Variants in RPGRIP1L observed in about 807,000 individuals in gnomAD.
The protein encoded by RPGRIP1L is protein fantom.
RPGRIP1L carries 131 observed loss-of-function variants against 160.4 expected under a neutral mutation model. The observed-to-expected ratio is 0.82, with a 90% CI of 0.71 to 0.94. The LOEUF (loss-of-function observed/expected upper bound fraction) is 0.94. Among genes scored for constraint, RPGRIP1L ranks in the 40% least tolerant of loss-of-function variants. RPGRIP1L has a pLI of 0.00. For missense variants in RPGRIP1L, 1,522 were observed against 1,535.8 expected (o/e 0.99, Z 0.15); for synonymous variants, 510 against 515.8 (o/e 0.99, Z 0.15).
intron 15 of RPGRIP1L, 50 bp from the exon 16 acceptor site, chr16:53,649,165 T>C: frequency 1.3e-6 from 2 of 1,497,102 alleles, no homozygotes; most frequent in Non-Finnish European, 1.9e-6. Context: ...TACATTAAAA[T>C]AGATAGCAGT....
Position 53,656,511 on chromosome 16 carries a change from G to T in RPGRIP1L, c.1660C>A (p.Leu554Ile), listed in dbSNP as rs79524027. 1.6e-4 allele frequency: 252 copies of T among 1,613,886 alleles called. 1 individual carries two copies. The African/African-American group carries it at 2.9e-3, about 19-fold the overall frequency. Reference sequence around the variant, plus strand: ...ATACGTGCAGCCCTGATATCAAGAAGATGAACATACTGTTCCACTTTGAGT... The same window carrying T: ...ATACGTGCAGCCCTGATATCAAGAATATGAACATACTGTTCCACTTTGAGT... ...YELKVEQYVH[L>I]LDIRAARIHK... Residue 554 changes from leucine to isoleucine, a missense_variant, in exon 14 of 27, where the codon CTT becomes ATT. Physicochemically the swap from Leu to Ile is conservative, Grantham distance 5. Coordinates refer to ENST00000647211, the MANE Select transcript of RPGRIP1L (RefSeq NM_015272.5).
chr16:53,680,321 A>T (rs994630417), intron 6 of RPGRIP1L, among the ~76,000 whole-genome samples: 5 of 152,138 alleles, frequency 3.3e-5, no homozygotes, highest in Non-Finnish European at 4.4e-5. Flanking sequence ...CAAGGTCTGC[A>T]TGGCTATCCC....
Position 53,649,082 on chromosome 16 carries a change from A to G in RPGRIP1L, c.2186T>C (p.Val729Ala). 6.2e-7 allele frequency: 1 copy of G among 1,614,082 alleles called. No homozygotes were observed. The highest frequency in any genetic ancestry group is 8.5e-7 in the Non-Finnish European group (1 of 1,179,966). Residue 729 changes from valine to alanine, a missense_variant, in exon 16 of 27, where the codon GTG (valine) becomes GCG (alanine). Val to Ala is a moderately conservative substitution (Grantham distance 64). Coordinates refer to ENST00000647211, the MANE Select transcript of RPGRIP1L (RefSeq NM_015272.5). ...AACTCTTAATCGGAACCAGTATTCC[A>G]CTGTGCCAAAATTTGGGATGTCTCC... ...TKGDIPNFGTVEYWFRLRVPM... is the reference protein window; with the variant it reads ...TKGDIPNFGTAEYWFRLRVPM...
At chr16:53,695,139 C>A (rs774748480) in intron 3 of RPGRIP1L, 24 of 552,276 alleles carry the variant, frequency 4.3e-5, no homozygotes, top group African/African-American at 7.5e-5. Context: ...GATGTGAATT[C>A]GATTCTTTTA....
At chr16:53,674,808 C>T (rs1280375303) in intron 7 of RPGRIP1L, among the ~76,000 whole-genome samples, 2 of 151,772 alleles carry the variant, frequency 1.3e-5, no homozygotes, top group African/African-American at 2.4e-5. Context: ...TATAAAAAGT[C>T]CAAGCAGTTA....
intron 6 of RPGRIP1L, among the ~76,000 whole-genome samples, chr16:53,682,526 C>A (rs1023717277): frequency 5.9e-5 from 9 of 152,256 alleles, no homozygotes; most frequent in African/African-American, 2.2e-4. Context: ...ATGATTACAT[C>A]CCTTTGGAAA....
intron 9 of RPGRIP1L, 125 bp from the exon 10 acceptor site, chr16:53,665,134 T>C (rs1029233996): frequency 7.7e-6 from 9 of 1,175,682 alleles, no homozygotes; most frequent in South Asian, 1.3e-5. Flanking sequence ...AGTAAACATA[T>C]GCTGGTCTGC....
intron 10 of RPGRIP1L, among the ~76,000 whole-genome samples, chr16:53,661,698 T>C (rs117673531): frequency 0.011 from 1,712 of 152,306 alleles, 17 homozygotes; most frequent in African/African-American, 0.029. Flanking sequence ...TTTCCTTTTC[T>C]TTCAATTTTT....
intron 1 of RPGRIP1L, chr16:53,703,176 G>A (rs1374774672): frequency 6.6e-6 from 1 of 152,338 alleles, no homozygotes; most frequent in African/African-American, 2.4e-5. Flanking sequence ...GGCTGAGGCA[G>A]AAGAATCGCT....
At chr16:53,606,141 ACT>A (rs1963668787) in intron 25 of RPGRIP1L, among the ~76,000 whole-genome samples, 1 of 152,218 alleles carries the variant, frequency 6.6e-6, no homozygotes, top group Non-Finnish European at 1.5e-5. Context: ...AAATGTTGTA[ACT>A]CTGCCCAACA....
intron 7 of RPGRIP1L, among the ~76,000 whole-genome samples, chr16:53,674,618 A>G (rs1440790101): frequency 2.6e-5 from 4 of 152,200 alleles, no homozygotes; most frequent in Non-Finnish European, 4.4e-5. Context: ...CCTATTCATT[A>G]CTTTGGTCTA....
intron 10 of RPGRIP1L, among the ~76,000 whole-genome samples, chr16:53,662,807 G>A (rs548020429): frequency 6.6e-6 from 1 of 152,090 alleles, no homozygotes; most frequent in South Asian, 2.1e-4. Context: ...TAAGGATTCA[G>A]TTCTAGCAAT....
intron 2 of RPGRIP1L, among the ~76,000 whole-genome samples, chr16:53,698,703 C>T (rs62048366): frequency 0.48 from 63,179 of 132,588 alleles, 18,344 homozygotes; most frequent in African/African-American, 0.82. Flanking sequence ...AGCCGCACCG[C>T]CCGGGAGGGA....
intron 24 of RPGRIP1L, among the ~76,000 whole-genome samples, chr16:53,615,468 A>ATTTTTTTTTTTTTT (rs1441369433): frequency 1.4e-5 from 1 of 69,880 alleles, no homozygotes; most frequent in African/African-American, 6.3e-5. Context: ...ATATATATAT[A>ATTTTTTTTTTTTTT]TATATTTTTT....
At chr16:53,685,758 G>A (rs533022680) in intron 6 of RPGRIP1L, among the ~76,000 whole-genome samples, 5 of 152,190 alleles carry the variant, frequency 3.3e-5, no homozygotes, top group Non-Finnish European at 5.9e-5. Flanking sequence ...GCTAGTGGAC[G>A]CTGGGTTTAA....
intron 8 of RPGRIP1L, 52 bp from the exon 9 acceptor site, chr16:53,671,635 G>T (rs760668709): frequency 1.1e-6 from 1 of 931,278 alleles, no homozygotes; most frequent in Non-Finnish European, 1.6e-6. Context: ...AAAACCACTT[G>T]GGGGTAAAAA....
intron 6 of RPGRIP1L, among the ~76,000 whole-genome samples, chr16:53,684,797 G>A (rs1461442145): frequency 2.0e-5 from 3 of 151,086 alleles, no homozygotes; most frequent in Admixed American, 2.0e-4. Context: ...CAGCATATAG[G>A]CATGGGCAAA....
intron 6 of RPGRIP1L, among the ~76,000 whole-genome samples, chr16:53,683,562 G>C (rs970978555): frequency 6.6e-6 from 1 of 151,972 alleles, no homozygotes; most frequent in Non-Finnish European, 1.5e-5. Context: ...TCTGGCTGGG[G>C]ATAATTCGAA....
At chr16:53,622,493 T>C in intron 22 of RPGRIP1L, 137 bp from the exon 23 acceptor site, 1 of 449,414 alleles carries the variant, frequency 2.2e-6, no homozygotes, top group South Asian at 4.8e-5. Flanking sequence ...TGTTATTTCC[T>C]ATCTCAGCCG....
Sources: allele counts gnomAD v4.1 joint callset (sites outside exome capture counted in the v4.1 genomes callset), GRCh38; gene constraint gnomAD v4.1.1; transcripts MANE v1.5; gene names NCBI Gene and HGNC (gene_info 2026-07-23, HGNC 2026-07-21).